The following AREL1 variants were observed in gnomAD, a reference collection of about 807,000 sequenced individuals.
AREL1 encodes apoptosis-resistant E3 ubiquitin protein ligase 1.
In AREL1, 62 loss-of-function variants were observed where a neutral mutation model predicts 99.0. The ratio of observed to expected loss-of-function variants is 0.63; its 90% CI spans 0.51 to 0.77. The LOEUF is 0.77. Ranked by LOEUF, AREL1 falls within the 30% of genes least tolerant of loss-of-function variation. The probability of loss-of-function intolerance (pLI) is 0.00; values close to 1 mark genes in which losing one functional copy is unlikely to be tolerated. For missense variants in AREL1, 879 were observed against 1,027.6 expected (o/e 0.86, Z 1.98); for synonymous variants, 380 against 376.5 (o/e 1.01, Z -0.11).
chr14:74,664,149 A>G (rs2089154282), intron 18 of AREL1, 75 bp from the exon 19 acceptor site: 9 of 1,509,692 alleles, frequency 6.0e-6, no homozygotes, highest in South Asian at 2.5e-5. Flanking sequence ...AAGGAACAAG[A>G]TACACTAAAG....
intron 5 of AREL1, among the ~76,000 whole-genome samples, chr14:74,678,016 T>C (rs1040381368): frequency 6.6e-6 from 1 of 152,176 alleles, no homozygotes; most frequent in African/African-American, 2.4e-5. Context: ...CAGATGTCAA[T>C]TTTCCCCAAA....
chr14:74,700,756 G>A (rs1217106380), intron 1 of AREL1, among the ~76,000 whole-genome samples: 1 of 152,160 alleles, frequency 6.6e-6, no homozygotes, highest in Non-Finnish European at 1.5e-5. Flanking sequence ...CTCCAGTCTG[G>A]GCGACAGAGC....
chr14:74,709,683 T>C (rs868357962), intron 1 of AREL1, among the ~76,000 whole-genome samples: 15 of 152,060 alleles, frequency 9.9e-5, no homozygotes, highest in African/African-American at 3.6e-4. Flanking sequence ...GCAAGTTAAT[T>C]GAAAAATAAT....
intron 4 of AREL1, 97 bp downstream of exon 4, chr14:74,684,357 C>T (rs2089699724): frequency 1.8e-6 from 2 of 1,102,000 alleles, no homozygotes; most frequent in Admixed American, 2.2e-5. Context: ...AGTTGAAAAA[C>T]AAGAGAAAAT....
At chr14:74,679,677 A>G (rs548058350) in intron 5 of AREL1, among the ~76,000 whole-genome samples, 1 of 151,956 alleles carries the variant, frequency 6.6e-6, no homozygotes, top group African/African-American at 2.4e-5. Flanking sequence ...AAACACAAAA[A>G]ACTAGCCAGG....
At chr14:74,670,656 G>T in intron 13 of AREL1, 106 bp downstream of exon 13, 1 of 879,484 alleles carries the variant, frequency 1.1e-6, no homozygotes, top group Non-Finnish European at 1.8e-6. Context: ...ATTAAGAATA[G>T]GACACAGGTT....
At chr14:74,701,259 G>GA (rs1280816350) in intron 1 of AREL1, among the ~76,000 whole-genome samples, 1 of 151,704 alleles carries the variant, frequency 6.6e-6, no homozygotes, top group Non-Finnish European at 1.5e-5. Context: ...AAGCAAACAT[G>GA]AAAAAAAAGA....
At chr14:74,709,699 G>A (rs575640010) in intron 1 of AREL1, among the ~76,000 whole-genome samples, 1 of 152,284 alleles carries the variant, frequency 6.6e-6, no homozygotes, top group African/African-American at 2.4e-5. Flanking sequence ...ATAATTAACA[G>A]CGACTAATGT....
In AREL1 at chr14:74,663,880, C is replaced by T. The variant is rs1477075782; in HGVS notation, c.2369+19G>A. The T allele has an allele frequency of 1.2e-6, 2 of 1,614,060 alleles. No homozygotes were observed. The highest frequency in any genetic ancestry group is 2.7e-5 in the African/African-American group (2 of 74,934). On this transcript the variant is annotated intron_variant, in intron 19 of 19. Transcript: ENST00000356357. ...ACCACCAAAAACACTGGGCATGCATCAGGCGGGCAGATACCTACCATGTGT... is the reference window on the plus strand; with the variant it reads ...ACCACCAAAAACACTGGGCATGCATTAGGCGGGCAGATACCTACCATGTGT...
chr14:74,666,830 A>C (rs528038328), intron 17 of AREL1, among the ~76,000 whole-genome samples: 2 of 150,204 alleles, frequency 1.3e-5, no homozygotes, highest in African/African-American at 4.9e-5. Flanking sequence ...AGTAATTCTC[A>C]TGCCTCAGCT....
intron 1 of AREL1, among the ~76,000 whole-genome samples, chr14:74,711,768 CTG>C: frequency 6.6e-6 from 1 of 151,648 alleles, no homozygotes; most frequent in East Asian, 1.9e-4. Context: ...GATAAAGAAA[CTG>C]AGATGCAGAT....
chr14:74,699,348 G>GGTGTGTGTGTGTGTGT (rs770359342), intron 1 of AREL1, among the ~76,000 whole-genome samples: 4 of 143,558 alleles, frequency 2.8e-5, no homozygotes, highest in African/African-American at 7.9e-5. Flanking sequence ...GACAGTGAGG[G>GGTGTGTGTGTGTGTGT]GTGTGTGTGT....
intron 1 of AREL1, among the ~76,000 whole-genome samples, chr14:74,710,375 G>T (rs1445672181): frequency 1.3e-5 from 2 of 152,144 alleles, no homozygotes; most frequent in Non-Finnish European, 1.5e-5. Flanking sequence ...TTAAGTTGTT[G>T]TTGTTCATGG....
At position 74,662,562 on chromosome 14, in the gene AREL1, C is replaced by G. The variant is rs2089107470; in HGVS notation, c.*1158G>C. On this transcript the variant is annotated 3_prime_UTR_variant, in exon 20 of 20. Transcript: ENST00000356357. ...AACAGTGAACCTAATAAGCTTCCTC[C>G]CTCCTTAGTTCTCCTTCCTGATAAC... 1 of 398,400 alleles carries G rather than the reference C, an allele frequency of 2.5e-6. No individual in the cohort carries two copies. Among genetic ancestry groups the G allele is most frequent in the Non-Finnish European group, 4.4e-6 (1 of 226,070 alleles). The allele number at this position is 398,400 out of a possible 1,614,324, so 24.7% of individuals were successfully genotyped here.
chr14:74,692,152 C>T lies in AREL1; in HGVS notation c.-157G>A, dbSNP rs202068887. ...TTCCAACTTCCACATGAAAGAAAAA[C>T]GCCACAAGGTCAACAGAAAGGGTCT... On this transcript the variant is annotated 5_prime_UTR_variant, in exon 2 of 20. Transcript: ENST00000356357. 5.7e-4 allele frequency: 253 copies of T among 443,166 alleles called. 2 individuals are homozygous for T. Among genetic ancestry groups the T allele is most frequent in the Middle Eastern group, 2.6e-3 (8 of 3,038 alleles). 27.5% of individuals were successfully genotyped at this position (443,166 alleles called of 1,614,324 possible).
rs754713908 is a variant in AREL1, at chr14:74,664,021, A to G, written c.2247T>C (p.Ala749=). 1 of 1,614,164 alleles carries G rather than the reference A, an allele frequency of 6.2e-7. No homozygotes were observed. The highest frequency in any genetic ancestry group is 1.1e-5 in the South Asian group (1 of 91,082). The change falls in exon 19 of 20, where the codon GCT becomes GCC. Residue 749 remains alanine (A), a synonymous_variant. Transcript: ENST00000356357. ...AGCCTGTTGTGAACTGAAGTAGCCG[A>G]GCCAACTCCTCCTGGGTCAGACTGG... The part of the protein sequence containing the change: ...VVSSLTQEEL[A]RLLQFTTGSS...
Position 74,663,539 on chromosome 14 carries a change from G to A in AREL1, c.*181C>T, listed in dbSNP as rs918786001. ...TGCCAAAGTGGCCTGTGGTAGATAT[G>A]GGCAGGGAGCAGGTGAGGTAAAGAC... On this transcript the variant is annotated 3_prime_UTR_variant, in exon 20 of 20. Transcript: ENST00000356357. The A allele has an allele frequency of 1.4e-4, 94 of 654,224 alleles. 2 individuals carry two copies. Among genetic ancestry groups the A allele is most frequent in the Non-Finnish European group, 4.4e-5 (16 of 366,014 alleles). 40.5% of individuals were successfully genotyped at this position (654,224 alleles called of 1,614,324 possible). A position where few individuals can be genotyped will look rare whatever the true frequency, so the allele number is the denominator to read the frequency against.
intron 5 of AREL1, among the ~76,000 whole-genome samples, chr14:74,681,941 T>C (rs181547606): frequency 2.6e-4 from 40 of 152,310 alleles, no homozygotes; most frequent in Admixed American, 2.5e-3. Context: ...ATGTTACCAT[T>C]GCAGGAAACT....
At chr14:74,693,714 G>C (rs974023323) in intron 1 of AREL1, among the ~76,000 whole-genome samples, 5 of 152,152 alleles carry the variant, frequency 3.3e-5, no homozygotes, top group Admixed American at 2.0e-4. Context: ...AGACAACCTG[G>C]ACCCAGAATC....
Sources: gnomAD v4.1 joint callset for allele counts (sites outside exome capture counted in the v4.1 genomes callset) on GRCh38, gnomAD v4.1.1 for gene constraint, MANE v1.5 for transcripts, NCBI Gene and HGNC (gene_info 2026-07-23, HGNC 2026-07-21) for gene names.